Variants in HDAC9 observed in about 807,000 individuals in gnomAD.
HDAC9 encodes histone deacetylase 9, also known as MEF-2 interacting transcription repressor (MITR) protein.
In HDAC9, 41 loss-of-function variants were observed where a neutral mutation model predicts 139.4. That is an observed-to-expected ratio of 0.29 (90% CI 0.23 to 0.38). The LOEUF (loss-of-function observed/expected upper bound fraction) is 0.38. Among genes scored for constraint, HDAC9 ranks in the 10% least tolerant of loss-of-function variants. The pLI, the probability that HDAC9 is intolerant of heterozygous loss-of-function variation, is 1.00. For synonymous variants in HDAC9, 517 were observed against 476.2 expected (o/e 1.09, Z -1.12); for missense variants, 1,147 against 1,297.0 (o/e 0.88, Z 1.78).
chr7:18,107,281 C>G (rs889081857), intron 1 of HDAC9, among the ~76,000 whole-genome samples: 1 of 152,078 alleles, frequency 6.6e-6, no homozygotes, highest in Non-Finnish European at 1.5e-5. Context: ...TTAGTGATAA[C>G]TGCTTTGTCT....
At chr7:18,365,267 T>TGTTG (rs1784089377) in intron 1 of HDAC9, among the ~76,000 whole-genome samples, 1 of 152,050 alleles carries the variant, frequency 6.6e-6, no homozygotes, top group Non-Finnish European at 1.5e-5. Flanking sequence ...TAAATAAATT[T>TGTTG]TAGATCTAGT....
intron 1 of HDAC9, chr7:18,458,736 C>T (rs1319743069): frequency 4.2e-6 from 3 of 716,554 alleles, no homozygotes; most frequent in Non-Finnish European, 7.2e-6. Flanking sequence ...TAGACCTCTA[C>T]TCAGAGTAGT....
At chr7:18,644,985 A>G (rs1336674077) in intron 9 of HDAC9, among the ~76,000 whole-genome samples, 192 bp downstream of exon 9, 2 of 152,178 alleles carry the variant, frequency 1.3e-5, no homozygotes, top group Admixed American at 6.6e-5. Context: ...CCTGGTTCAC[A>G]TAATCATATG....
At position 18,727,692 on chromosome 7, in the gene HDAC9, C is replaced by T. The variant is rs527740786; in HGVS notation, c.1844C>T (p.Ser615Phe). Residue 615 changes from serine to phenylalanine, a missense_variant, in exon 13 of 26, where the codon TCC (serine) becomes TTC (phenylalanine). Ser to Phe is a radical substitution (Grantham distance 155, BLOSUM62 -2). Around this residue, in one of 7 missense-constraint regions of HDAC9, gnomAD observed 256 missense variants for 219.2 expected, o/e 1.17. Coordinates refer to ENST00000686413, the MANE Select transcript of HDAC9 (RefSeq NM_178425.4). The stretch of plus-strand genomic sequence containing the variant: ...CGTCTCGTCTCCAGGACTCACTCTT[C>T]CCCTGCTGCCTCTGTTTTACCTCAC... The part of the protein sequence containing the change: ...KHRLVSRTHS[S>F]PAASVLPHPA... 1.3e-6 allele frequency: 2 copies of T among 1,583,474 alleles called. No individual in the cohort carries two copies. The highest frequency in any genetic ancestry group is 1.2e-5 in the South Asian group (1 of 85,846).
At chr7:18,583,183 A>C (rs1161402978) in intron 2 of HDAC9, among the ~76,000 whole-genome samples, 3 of 152,272 alleles carry the variant, frequency 2.0e-5, no homozygotes, top group Non-Finnish European at 2.9e-5. Context: ...ATATATAAGA[A>C]ATTTCCATTT....
At chr7:18,737,553 A>G (rs1230462229) in intron 13 of HDAC9, among the ~76,000 whole-genome samples, 2 of 151,646 alleles carry the variant, frequency 1.3e-5, no homozygotes, top group East Asian at 1.9e-4. Flanking sequence ...TTTGATTAGA[A>G]TATAGTTTTC....
intron 22 of HDAC9, among the ~76,000 whole-genome samples, chr7:18,923,427 C>T (rs993505942): frequency 2.0e-5 from 3 of 151,982 alleles, no homozygotes; most frequent in African/African-American, 4.8e-5. Context: ...TCAGTTTGAA[C>T]GATTCTAGAA....
At chr7:18,212,463 C>T (rs2128169290) in intron 2 of HDAC9, among the ~76,000 whole-genome samples, 1 of 152,232 alleles carries the variant, frequency 6.6e-6, no homozygotes, top group African/African-American at 2.4e-5. Context: ...GGTGTGAATT[C>T]TTGTTGCGTC....
At chr7:18,834,528 C>CTT (rs5882682) in intron 19 of HDAC9, among the ~76,000 whole-genome samples, 3,357 of 138,104 alleles carry the variant, frequency 0.024, 69 homozygotes, top group African/African-American at 0.051. Context: ...TTATATCAGG[C>CTT]TTTTTTTTTT....
chr7:18,818,680 A>C (rs904752019), intron 17 of HDAC9, among the ~76,000 whole-genome samples: 2 of 152,160 alleles, frequency 1.3e-5, no homozygotes, highest in African/African-American at 4.8e-5. Context: ...TTTGTTCTGC[A>C]TTCTGTATTT....
chr7:18,826,648 C>CTTTTT (rs547478526), intron 17 of HDAC9, among the ~76,000 whole-genome samples: 1 of 122,076 alleles, frequency 8.2e-6, no homozygotes, highest in Admixed American at 8.3e-5. Flanking sequence ...GAATTCAAGT[C>CTTTTT]TTTTTTTTTT....
At chr7:18,916,716 C>CCTCTGGTTTTTTT (rs1182510501) in intron 22 of HDAC9, among the ~76,000 whole-genome samples, 1 of 152,016 alleles carries the variant, frequency 6.6e-6, no homozygotes, top group Non-Finnish European at 1.5e-5. Flanking sequence ...CTCCCAAACA[C>CCTCTGGTTTTTTT]CTCTGCCTTC....
chr7:18,823,688 A>T (rs1357765723), intron 17 of HDAC9, among the ~76,000 whole-genome samples: 4 of 152,054 alleles, frequency 2.6e-5, no homozygotes, highest in African/African-American at 7.2e-5. Context: ...CTGTTGTAAG[A>T]AGTGGAAGAG....
At position 18,822,653 on chromosome 7, in the gene HDAC9, A is replaced by T. The variant is rs574024080; in HGVS notation, c.2323-6508A>T. ...CAGGCGTGAGCCAGCACACCTGGCC[A>T]CATATTTCTTTTTTATGTCATAGGT... On this transcript the variant is annotated intron_variant, in intron 17 of 25. Transcript: ENST00000686413. 5.1e-4 allele frequency among the ~76,000 whole-genome samples: 77 copies of T among 152,202 alleles called. No homozygotes were observed. In the South Asian group the frequency reaches 0.016, roughly 31 times the overall value.
At chr7:18,315,150 A>G (rs532605080) in intron 1 of HDAC9, among the ~76,000 whole-genome samples, 62 of 152,348 alleles carry the variant, frequency 4.1e-4, no homozygotes, top group African/African-American at 7.2e-4. Context: ...TATAAGACTA[A>G]TGATGACTAA....
At chr7:18,395,205 C>T (rs753108915) in intron 1 of HDAC9, 1 of 152,160 alleles carries the variant, frequency 6.6e-6, no homozygotes, top group South Asian at 2.1e-4. Context: ...CTTTGAGTCA[C>T]GGTTCTTCCA....
intron 17 of HDAC9, among the ~76,000 whole-genome samples, chr7:18,823,321 T>C (rs1304917587): frequency 6.6e-6 from 1 of 152,130 alleles, no homozygotes; most frequent in Non-Finnish European, 1.5e-5. Context: ...AAGGTAGAAA[T>C]GCTCATCTGA....
At chr7:18,260,302 CTTTTTTTTGTTT>C (rs1310585897) in intron 2 of HDAC9, among the ~76,000 whole-genome samples, 55 of 117,052 alleles carry the variant, frequency 4.7e-4, no homozygotes, top group East Asian at 1.4e-3. Context: ...GTGACAGACA[CTTTTTTTTGTTT>C]TTTTTTTTGT....
intron 1 of HDAC9, among the ~76,000 whole-genome samples, chr7:18,440,874 A>G (rs1254557071): frequency 6.6e-6 from 1 of 152,134 alleles, no homozygotes; most frequent in African/African-American, 2.4e-5. Flanking sequence ...GATCTTTTAT[A>G]TTTAAATACT....
Sources: allele counts gnomAD v4.1 joint callset (sites outside exome capture counted in the v4.1 genomes callset), GRCh38; gene constraint gnomAD v4.1.1; regional missense constraint gnomAD v4.1.1; transcripts MANE v1.5; gene names NCBI Gene and HGNC (gene_info 2026-07-23, HGNC 2026-07-21).